The following TEX11 variants were observed in gnomAD, a reference collection of about 807,000 sequenced individuals.
The protein encoded by TEX11 is testis expressed 11.
A neutral mutation model predicts 84.4 loss-of-function variants in TEX11; 7 were observed. The ratio of observed to expected loss-of-function variants is 0.08; its 90% CI spans 0.05 to 0.16. The LOEUF (loss-of-function observed/expected upper bound fraction) is 0.16, where lower values mean the gene tolerates loss of function less well. Ranked by LOEUF, TEX11 falls within the 10% of genes least tolerant of loss-of-function variation. The pLI, the probability that TEX11 is intolerant of heterozygous loss-of-function variation, is 1.00. For missense variants in TEX11, 551 were observed against 660.5 expected (o/e 0.83, Z 1.82); for synonymous variants, 264 against 222.8 (o/e 1.18, Z -1.64).
At chrX:70,800,357 A>G (rs996186411) in intron 9 of TEX11, among the ~76,000 whole-genome samples, 2 of 111,388 alleles carry the variant, frequency 1.8e-5, no homozygotes, top group African/African-American at 6.5e-5. Context: ...GAGTTTACCT[A>G]TGTAACAAAC....
At chrX:70,528,104 G>A (rs955177027), downstream of TEX11, among the ~76,000 whole-genome samples, 16 of 111,345 alleles carry the variant, frequency 1.4e-4, no homozygotes, top group African/African-American at 3.9e-4. Context: ...ACAACTAAGG[G>A]GTCTGAGGAT....
At chrX:70,523,060 G>A in the TEX11 span, among the ~76,000 whole-genome samples, 19 of 110,814 alleles carry the variant, frequency 1.7e-4, no homozygotes, top group Admixed American at 1.4e-3. Flanking sequence ...TTTGGGGCAC[G>A]TAGTATGTTT....
At chrX:70,742,686 C>T (rs1207495366) in intron 10 of TEX11, among the ~76,000 whole-genome samples, 1 of 110,408 alleles carries the variant, frequency 9.1e-6, no homozygotes, top group Non-Finnish European at 1.9e-5. Flanking sequence ...GCTGATCACA[C>T]CACTGCCCTC....
chrX:70,642,675 A>T (rs1269949170), intron 17 of TEX11, among the ~76,000 whole-genome samples: 1 of 86,274 alleles, frequency 1.2e-5, no homozygotes, highest in Non-Finnish European at 2.3e-5. Context: ...AAACCACATG[A>T]TTATCTCAAT....
In TEX11 at chrX:70,629,310, A is replaced by G. The variant is rs192688662; in HGVS notation, c.1608+301T>C. ...AAGATAAGTTTCTATATAGATAGCT[A>G]TTTATTGACATGGTATGGCATTTTG... is the stretch of plus-strand genomic sequence containing the variant. On this transcript the variant is annotated intron_variant, in intron 18 of 29. Coordinates refer to ENST00000374333, the MANE Select transcript of TEX11 (RefSeq NM_031276.3). Among the ~76,000 whole-genome samples the G allele has an allele frequency of 7.1e-4, 80 of 112,377 alleles. No individual in the cohort carries two copies. In the East Asian group the frequency reaches 0.013, roughly 18 times the overall value.
intron 28 of TEX11, 132 bp from the exon 29 acceptor site, chrX:70,530,131 C>T (rs1227682795): frequency 1.7e-6 from 1 of 574,541 alleles, no homozygotes; most frequent in Non-Finnish European, 2.7e-6. Context: ...AAGGTCTGTG[C>T]TCCTGGAGAG....
intron 9 of TEX11, among the ~76,000 whole-genome samples, chrX:70,753,154 G>C (rs1449084745): frequency 2.1e-5 from 2 of 93,131 alleles, no homozygotes; most frequent in East Asian, 4.0e-4. Flanking sequence ...ACTCCTAAGA[G>C]AGTCCTAGTG....
intron 11 of TEX11, among the ~76,000 whole-genome samples, chrX:70,733,705 C>A (rs900707184): frequency 9.0e-6 from 1 of 111,471 alleles, no homozygotes; most frequent in African/African-American, 3.3e-5. Flanking sequence ...CACTACTGGT[C>A]GGACTGTAAA....
chrX:70,587,474 C>A (rs2088868936), intron 25 of TEX11, among the ~76,000 whole-genome samples: 1 of 112,739 alleles, frequency 8.9e-6, no homozygotes, highest in South Asian at 3.6e-4. Flanking sequence ...AGGGTGCAAG[C>A]CCCAAGCCTT....
intron 25 of TEX11, among the ~76,000 whole-genome samples, chrX:70,587,280 G>A (rs2088865678): frequency 8.9e-6 from 1 of 112,211 alleles, no homozygotes; most frequent in Admixed American, 9.4e-5. Context: ...AATGTCTCCA[G>A]GGCACGTCAG....
At chrX:70,568,186 T>C (rs763499546) in intron 25 of TEX11, among the ~76,000 whole-genome samples, 198 of 111,652 alleles carry the variant, frequency 1.8e-3, no homozygotes, top group African/African-American at 4.7e-3. Flanking sequence ...TTTTGATCTT[T>C]GTTGGTTTAA....
At chrX:70,839,923 T>A (rs928672565) in intron 7 of TEX11, among the ~76,000 whole-genome samples, 3 of 110,061 alleles carry the variant, frequency 2.7e-5, no homozygotes, top group African/African-American at 9.9e-5. Flanking sequence ...GAAGAGAAGT[T>A]TAGAGAAAAA....
chrX:70,616,957 G>T (rs1295394829), intron 20 of TEX11, among the ~76,000 whole-genome samples: 1 of 111,288 alleles, frequency 9.0e-6, no homozygotes, highest in African/African-American at 3.3e-5. Flanking sequence ...ATAAGAGCTA[G>T]TATTTTCTAG....
intron 4 of TEX11, among the ~76,000 whole-genome samples, chrX:70,868,819 T>C (rs1414119649): frequency 9.3e-6 from 1 of 108,058 alleles, no homozygotes; most frequent in Non-Finnish European, 1.9e-5. Flanking sequence ...TAAGTGGGAG[T>C]TGAACAATGA....
chrX:70,746,899 G>T (rs757933368), intron 9 of TEX11, among the ~76,000 whole-genome samples: 10 of 112,288 alleles, frequency 8.9e-5, no homozygotes, highest in Admixed American at 4.7e-4. Flanking sequence ...CACAATCAGA[G>T]AAAGTGTTGG....
chrX:70,740,148 A>G (rs2090723935), intron 11 of TEX11, among the ~76,000 whole-genome samples: 1 of 112,270 alleles, frequency 8.9e-6, no homozygotes, highest in African/African-American at 3.2e-5. Context: ...TCAAAGAAGT[A>G]TATTTGTTTT....
chrX:70,681,106 C>T (rs2090144473), intron 14 of TEX11, among the ~76,000 whole-genome samples: 1 of 112,734 alleles, frequency 8.9e-6, no homozygotes, highest in African/African-American at 3.2e-5. Context: ...AAAGTCTAAA[C>T]TATAATAGAA....
chrX:70,802,618 T>C (rs2091195996), intron 9 of TEX11, among the ~76,000 whole-genome samples: 1 of 111,222 alleles, frequency 9.0e-6, no homozygotes, highest in African/African-American at 3.3e-5. Context: ...GCCACAGAGA[T>C]GTCTGATATT....
intron 28 of TEX11, among the ~76,000 whole-genome samples, chrX:70,539,181 C>T (rs1274253735): frequency 3.8e-5 from 4 of 105,773 alleles, no homozygotes; most frequent in Non-Finnish European, 7.7e-5. Context: ...ATTACAGGCG[C>T]CTACCACCAC....
Sources: allele counts gnomAD v4.1 joint callset (sites outside exome capture counted in the v4.1 genomes callset), GRCh38; gene constraint gnomAD v4.1.1; transcripts MANE v1.5; gene names NCBI Gene and HGNC (gene_info 2026-07-23, HGNC 2026-07-21).